DENND5A: variants seen among roughly 807,000 people sequenced by gnomAD.
DENND5A encodes DENN domain-containing protein 5A.
In DENND5A, 64 loss-of-function variants were observed where a neutral mutation model predicts 140.3. That is an observed-to-expected ratio of 0.46 (90% CI 0.37 to 0.56). The LOEUF (loss-of-function observed/expected upper bound fraction) is 0.56. Among genes scored for constraint, DENND5A ranks in the 20% least tolerant of loss-of-function variants. The pLI, the probability that DENND5A is intolerant of heterozygous loss-of-function variation, is 0.00. For missense variants in DENND5A, 1,292 were observed against 1,593.8 expected, an observed-to-expected ratio of 0.81 and a Z score of 3.22; for synonymous variants, 605 against 607.7, an observed-to-expected ratio of 1.00 and a Z score of 0.07.
In DENND5A at chr11:9,152,377, T is replaced by C. The variant is rs779153645; in HGVS notation, c.2502A>G (p.Ser834=). 1.9e-6 allele frequency: 3 copies of C among 1,613,206 alleles called. No individual in the cohort carries two copies. Among genetic ancestry groups the C allele is most frequent in the East Asian group, 4.5e-5 (2 of 44,882 alleles). The change falls in exon 13 of 23, where the codon TCA becomes TCG. Residue 834 remains serine (S), a synonymous_variant. Transcript: ENST00000328194. ...TCTTACCTGAGGTACTGAGGCTTCCTGATGTGAGTTTTCTCTGCCGGTTGT... is the reference window on the plus strand; with the variant it reads ...TCTTACCTGAGGTACTGAGGCTTCCCGATGTGAGTTTTCTCTGCCGGTTGT... ...YQDNRQRKLT[S]GSLSTSGILL...
At chr11:9,195,844 T>C (rs1463326742) in intron 4 of DENND5A, among the ~76,000 whole-genome samples, 2 of 152,072 alleles carry the variant, frequency 1.3e-5, no homozygotes, top group African/African-American at 4.8e-5. Context: ...CCTAAAACCC[T>C]TGGAAGCTAC....
intron 9 of DENND5A, 76 bp from the exon 10 acceptor site, chr11:9,170,025 A>G: frequency 9.3e-7 from 1 of 1,079,246 alleles, no homozygotes; most frequent in Non-Finnish European, 1.4e-6. Context: ...AGGAGAAAAC[A>G]TGAATGACTA....
In DENND5A at chr11:9,207,601, G is replaced by A. The variant is rs781047744; in HGVS notation, c.141C>T (p.Ala47=). Residue 47 remains alanine (A), a synonymous_variant, in exon 2 of 23, where the codon GCC becomes GCT. Transcript: ENST00000328194. ...ALCQYIQASK[A]RDGASPFISS... ...AAATGAAAGGGCTGGCACCATCCCT[G>A]GCTTTAGAAGCCTGTATGTACTGGC... 8.7e-6 allele frequency: 14 copies of A among 1,613,156 alleles called. No homozygotes were observed. Among genetic ancestry groups the A allele is most frequent in the Non-Finnish European group, 1.2e-5 (14 of 1,179,430 alleles).
At chr11:9,227,212 G>A (rs10840191) in intron 1 of DENND5A, among the ~76,000 whole-genome samples, 70,470 of 122,312 alleles carry the variant, frequency 0.58, 18,337 homozygotes, top group Middle Eastern at 0.66. Context: ...AAATAAATAA[G>A]CAAGCAAGCA....
intron 1 of DENND5A, among the ~76,000 whole-genome samples, chr11:9,219,970 G>A (rs1850242858): frequency 6.6e-6 from 1 of 152,212 alleles, no homozygotes; most frequent in Admixed American, 6.5e-5. Context: ...AAGGGGCTCA[G>A]TTAAAGCACT....
At chr11:9,213,991 C>T (rs777224496) in intron 1 of DENND5A, among the ~76,000 whole-genome samples, 4 of 152,048 alleles carry the variant, frequency 2.6e-5, no homozygotes, top group Admixed American at 6.6e-5. Flanking sequence ...CGAATGCATA[C>T]GTCTAAGTTA....
chr11:9,259,038 A>C (rs1852074671), intron 1 of DENND5A, among the ~76,000 whole-genome samples: 1 of 152,120 alleles, frequency 6.6e-6, no homozygotes, highest in Middle Eastern at 3.2e-3. Context: ...AGGCGGGCAG[A>C]TCAACTGAGG....
intron 1 of DENND5A, among the ~76,000 whole-genome samples, chr11:9,251,103 C>A (rs1172249131): frequency 6.7e-6 from 1 of 150,070 alleles, no homozygotes. Flanking sequence ...CCACTGCACT[C>A]CAGCCTGGGC....
chr11:9,246,181 T>C (rs1464176089), intron 1 of DENND5A, among the ~76,000 whole-genome samples: 1 of 152,036 alleles, frequency 6.6e-6, no homozygotes, highest in Admixed American at 6.6e-5. Flanking sequence ...CCTAAAACAA[T>C]AGCCAAAGAA....
chr11:9,153,644 T>C (rs747307964), intron 12 of DENND5A, among the ~76,000 whole-genome samples: 4 of 152,086 alleles, frequency 2.6e-5, no homozygotes, highest in Non-Finnish European at 4.4e-5. Context: ...TATAAGTTGT[T>C]AGTGCAGGCC....
chr11:9,197,268 G>A (rs1476560964), intron 4 of DENND5A, among the ~76,000 whole-genome samples: 2 of 151,250 alleles, frequency 1.3e-5, no homozygotes, highest in Non-Finnish European at 2.9e-5. Context: ...TCGCGCCACT[G>A]CACTCCAACC....
chr11:9,155,901 T>TA (rs1293359237), intron 12 of DENND5A, among the ~76,000 whole-genome samples: 1 of 152,186 alleles, frequency 6.6e-6, no homozygotes, highest in Non-Finnish European at 1.5e-5. Context: ...TCAAGGCTAG[T>TA]AACAAAATTT....
rs746137626 is a variant in DENND5A at position 9,145,014 on chromosome 11, T to C, written c.3103A>G (p.Ile1035Val). 2 of 1,613,420 alleles carry C rather than the reference T, an allele frequency of 1.2e-6. No individual in the cohort carries two copies. The highest frequency in any genetic ancestry group is 1.7e-6 in the Non-Finnish European group (2 of 1,179,392). Reference sequence around the variant, plus strand: ...ACTTACTTGTAGGTATGTCCTGTGATCTCATTCCTGACCATCACATACTCC... The same window carrying C: ...ACTTACTTGTAGGTATGTCCTGTGACCTCATTCCTGACCATCACATACTCC... ...LVEYVMVRNE[I>V]TGHTYKFPCG... is the part of the protein sequence containing the mutation. The change falls in exon 18 of 23, where the codon ATC (isoleucine) becomes GTC (valine). Residue 1035 changes from isoleucine to valine, a missense_variant. Around this residue, in one of 4 missense-constraint regions of DENND5A, gnomAD observed 498 missense variants for 689.7 expected, o/e 0.72. Transcript: ENST00000328194.
At chr11:9,214,125 T>C (rs1244191996) in intron 1 of DENND5A, among the ~76,000 whole-genome samples, 2 of 152,238 alleles carry the variant, frequency 1.3e-5, no homozygotes. Flanking sequence ...CACTAAAAGA[T>C]GGCACTGTAT....
chr11:9,176,832 T>C (rs535599818), intron 8 of DENND5A: 1 of 456,004 alleles, frequency 2.2e-6, no homozygotes, highest in African/African-American at 2.0e-5. Context: ...AGGGTAACAT[T>C]ATACCCAGTT....
In DENND5A at chr11:9,255,768, G is replaced by A. The variant is rs1044718978; in HGVS notation, c.109+9193C>T. 4.1e-4 allele frequency among the ~76,000 whole-genome samples: 62 copies of A among 152,074 alleles called. 1 individual carries two copies. Among genetic ancestry groups the A allele is most frequent in the Admixed American group, 3.9e-3 (60 of 15,252 alleles). ...TAGTCCCAGCTACTTGGGAGGCCAAGGCAGGATAATTGCTTGAACCCGGGA... is the reference window on the plus strand; with the variant it reads ...TAGTCCCAGCTACTTGGGAGGCCAAAGCAGGATAATTGCTTGAACCCGGGA... On this transcript the variant is annotated intron_variant, in intron 1 of 22. Transcript: ENST00000328194.
chr11:9,166,380 T>C (rs1349544845), intron 10 of DENND5A, among the ~76,000 whole-genome samples: 1 of 152,218 alleles, frequency 6.6e-6, no homozygotes, highest in Non-Finnish European at 1.5e-5. Flanking sequence ...CCCAGCTTAT[T>C]TTCTCGCACT....
At chr11:9,164,656 T>C (rs569974062) in intron 11 of DENND5A, among the ~76,000 whole-genome samples, 1 of 152,266 alleles carries the variant, frequency 6.6e-6, no homozygotes. Context: ...CCAAACAATC[T>C]AAGCTTAAAC....
At chr11:9,202,437 G>A (rs1359428937) in intron 4 of DENND5A, among the ~76,000 whole-genome samples, 1 of 152,110 alleles carries the variant, frequency 6.6e-6, no homozygotes, top group African/African-American at 2.4e-5. Flanking sequence ...GTTCAGTTAT[G>A]TTCACACACA....
Sources: allele counts gnomAD v4.1 joint callset (sites outside exome capture counted in the v4.1 genomes callset), GRCh38; gene constraint gnomAD v4.1.1; regional missense constraint gnomAD v4.1.1; transcripts MANE v1.5; gene names NCBI Gene and HGNC (gene_info 2026-07-23, HGNC 2026-07-21).